Variants in RBFOX1 observed in about 807,000 individuals in gnomAD.
RBFOX1 encodes RNA binding fox-1 homolog 1.
A neutral mutation model predicts 57.7 loss-of-function variants in RBFOX1; 8 were observed. That is an observed-to-expected ratio of 0.14 (90% CI 0.08 to 0.25). The LOEUF (loss-of-function observed/expected upper bound fraction) is 0.25, where lower values mean the gene tolerates loss of function less well. Among genes scored for constraint, RBFOX1 ranks in the 10% least tolerant of loss-of-function variants. The pLI, the probability that RBFOX1 is intolerant of heterozygous loss-of-function variation, is 1.00. For missense variants in RBFOX1, 611 were observed against 548.5 expected, an observed-to-expected ratio of 1.11 and a Z score of -1.14; for synonymous variants, 326 against 222.4, an observed-to-expected ratio of 1.47 and a Z score of -4.15.
chr16:6,115,811 C>G (rs2096490985), intron 1 of RBFOX1, among the ~76,000 whole-genome samples: 1 of 152,276 alleles, frequency 6.6e-6, no homozygotes, highest in Admixed American at 6.5e-5. Context: ...ATGATAATCT[C>G]CAGGGACTCA....
At chr16:7,362,400 T>G (rs1041240816) in intron 4 of RBFOX1, among the ~76,000 whole-genome samples, 4 of 151,866 alleles carry the variant, frequency 2.6e-5, no homozygotes, top group African/African-American at 9.7e-5. Context: ...TGTGTGATTG[T>G]GTGTATATGT....
chr16:6,670,409 T>C (rs543091455), intron 3 of RBFOX1, among the ~76,000 whole-genome samples: 9 of 152,280 alleles, frequency 5.9e-5, no homozygotes, highest in Admixed American at 2.6e-4. Flanking sequence ...CAGATTGAGT[T>C]TTCATGTTGA....
intron 3 of RBFOX1, among the ~76,000 whole-genome samples, chr16:5,698,855 TA>T (rs1296977193): frequency 2.6e-5 from 4 of 152,348 alleles, no homozygotes; most frequent in African/African-American, 9.6e-5. Flanking sequence ...AAGATTTTGT[TA>T]TAGCTACATC....
rs532383938 is a variant in RBFOX1 at position 7,151,159 on chromosome 16, G to T, written c.27+99061G>T. ...GTAAACTTATCCCAAAAGAAAGATG[G>T]TTGCTGAACTAGAGGCTACCTTGGC... On this transcript the variant is annotated intron_variant, in intron 4 of 15. Transcript: ENST00000550418. Among the ~76,000 whole-genome samples, 7 of 152,248 alleles carry T rather than the reference G, an allele frequency of 4.6e-5. No individual in the cohort carries two copies. The South Asian group carries it at 6.2e-4, about 14-fold the overall frequency.
rs1306855856 is a variant in RBFOX1, at chr16:7,304,165, C to G, written c.28-213982C>G. The G allele has an allele frequency of 6.9e-6, 6 of 873,544 alleles. No homozygotes were observed. In the African/African-American group the frequency reaches 9.9e-5, roughly 14 times the overall value. 54.1% of individuals were successfully genotyped at this position (873,544 alleles called of 1,614,324 possible). A position where few individuals can be genotyped will look rare whatever the true frequency, so the allele number is the denominator to read the frequency against. ...CCAGGGAGGAGGGACCGGCGGGGTG[C>G]GGTGGGGGGAGGGAGGAGGAAAGAG... On this transcript the variant is annotated intron_variant, in intron 4 of 15. Coordinates refer to ENST00000550418, the MANE Select transcript of RBFOX1 (RefSeq NM_018723.4).
intron 3 of RBFOX1, among the ~76,000 whole-genome samples, chr16:5,686,539 T>C (rs2151448119): frequency 6.6e-6 from 1 of 152,264 alleles, no homozygotes; most frequent in East Asian, 1.9e-4. Flanking sequence ...GAGGGATTTC[T>C]ACTTAATCGT....
intron 1 of RBFOX1, among the ~76,000 whole-genome samples, chr16:5,462,671 A>T (rs79492978): frequency 0.012 from 1,873 of 152,290 alleles, 51 homozygotes; most frequent in African/African-American, 0.043. Flanking sequence ...ATTATGATGC[A>T]TCCATGGCAT....
chr16:7,171,889 G>T (rs1368489745), intron 4 of RBFOX1, among the ~76,000 whole-genome samples: 2 of 152,162 alleles, frequency 1.3e-5, no homozygotes, highest in Non-Finnish European at 2.9e-5. Context: ...CTGCTTATGA[G>T]TACCACTTAA....
chr16:5,726,583 C>G (rs979368158), intron 3 of RBFOX1, among the ~76,000 whole-genome samples: 1 of 152,182 alleles, frequency 6.6e-6, no homozygotes, highest in African/African-American at 2.4e-5. Flanking sequence ...GGGAAGCAGC[C>G]TCAGAAAGGA....
chr16:6,992,652 C>T (rs966407540), intron 3 of RBFOX1, among the ~76,000 whole-genome samples: 1 of 152,034 alleles, frequency 6.6e-6, no homozygotes, highest in African/African-American at 2.4e-5. Flanking sequence ...ATAAAAGTTA[C>T]ACAACTTCAA....
At chr16:6,053,887 G>A (rs2095582684) in intron 1 of RBFOX1, among the ~76,000 whole-genome samples, 1 of 151,924 alleles carries the variant, frequency 6.6e-6, no homozygotes, top group African/African-American at 2.4e-5. Flanking sequence ...GTGAAACCCT[G>A]TCTCTGCAAA....
chr16:6,713,214 C>T (rs1046069950), intron 3 of RBFOX1, among the ~76,000 whole-genome samples: 4 of 152,054 alleles, frequency 2.6e-5, no homozygotes, highest in Non-Finnish European at 4.4e-5. Context: ...TGCCTAGAGC[C>T]AGGATAATCT....
chr16:6,224,317 A>G (rs1037114353), intron 1 of RBFOX1, among the ~76,000 whole-genome samples: 3 of 151,912 alleles, frequency 2.0e-5, no homozygotes, highest in Non-Finnish European at 4.4e-5. Flanking sequence ...TTTTCACGAT[A>G]TTGATTCTTT....
At chr16:6,923,155 T>C (rs1028635522) in intron 3 of RBFOX1, among the ~76,000 whole-genome samples, 1 of 152,016 alleles carries the variant, frequency 6.6e-6, no homozygotes, top group Non-Finnish European at 1.5e-5. Context: ...CCAGTGTGAG[T>C]CTGAGAATAA....
chr16:7,432,641 A>T (rs1163242092), intron 4 of RBFOX1, among the ~76,000 whole-genome samples: 9 of 152,216 alleles, frequency 5.9e-5, no homozygotes, highest in Admixed American at 5.9e-4. Context: ...CAATACATAA[A>T]CACATGGGGG....
At chr16:7,000,827 C>A (rs968801157) in intron 3 of RBFOX1, among the ~76,000 whole-genome samples, 1 of 152,018 alleles carries the variant, frequency 6.6e-6, no homozygotes, top group Admixed American at 6.5e-5. Flanking sequence ...TGCTCTCGAT[C>A]TCCTGACCTT....
rs865872082 is a variant in RBFOX1, at chr16:7,452,307, T to C, written c.28-65840T>C. On this transcript the variant is annotated intron_variant, in intron 4 of 15. Transcript: ENST00000550418. ...ACAATTTCCATGAAAAATACATCAT[T>C]GGAGAATGAGTCAGCCCGCGTTAGC... 3.3e-5 allele frequency among the ~76,000 whole-genome samples: 5 copies of C among 152,208 alleles called. No homozygotes were observed. In the South Asian group the frequency reaches 6.2e-4, roughly 19 times the overall value.
intron 4 of RBFOX1, among the ~76,000 whole-genome samples, chr16:7,221,881 A>G (rs2092757671): frequency 6.6e-6 from 1 of 152,238 alleles, no homozygotes; most frequent in South Asian, 2.1e-4. Flanking sequence ...TCATAAATCC[A>G]CAAGAGCTGA....
At chr16:6,645,740 C>T (rs1039552570) in intron 2 of RBFOX1, among the ~76,000 whole-genome samples, 7 of 152,144 alleles carry the variant, frequency 4.6e-5, no homozygotes, top group African/African-American at 1.7e-4. Flanking sequence ...TGGAAGATGT[C>T]ATCAAGGACA....
Sources: gnomAD v4.1 joint callset for allele counts (sites outside exome capture counted in the v4.1 genomes callset) on GRCh38, gnomAD v4.1.1 for gene constraint, MANE v1.5 for transcripts, NCBI Gene and HGNC (gene_info 2026-07-23, HGNC 2026-07-21) for gene names.